The following STK4 variants were observed in gnomAD, a reference collection of about 807,000 sequenced individuals.
The protein encoded by STK4 is serine/threonine-protein kinase 4.
A neutral mutation model predicts 64.9 loss-of-function variants in STK4; 30 were observed. The ratio of observed to expected loss-of-function variants is 0.46; its 90% CI spans 0.35 to 0.63. The LOEUF (loss-of-function observed/expected upper bound fraction) is 0.63. Ranked by LOEUF, STK4 falls within the 20% of genes least tolerant of loss-of-function variation. The pLI is 0.01. For synonymous variants in STK4, 177 were observed against 199.0 expected (o/e 0.89, Z 0.93); for missense variants, 466 against 598.5 (o/e 0.78, Z 2.31).
intron 1 of STK4, among the ~76,000 whole-genome samples, chr20:44,971,019 A>ACCGTTT (rs1464515153): frequency 7.2e-6 from 1 of 138,354 alleles, no homozygotes; most frequent in East Asian, 2.1e-4. Flanking sequence ...TCCATATTTC[A>ACCGTTT]CCGTTTCCTC....
intron 5 of STK4, among the ~76,000 whole-genome samples, chr20:44,993,905 AG>A (rs944399098): frequency 2.0e-5 from 3 of 151,304 alleles, no homozygotes; most frequent in Non-Finnish European, 4.4e-5. Context: ...CTTGAACCCC[AG>A]GGGCGGAGGT....
chr20:45,043,718 T>A (rs1396915529), intron 10 of STK4, among the ~76,000 whole-genome samples: 1 of 152,202 alleles, frequency 6.6e-6, no homozygotes, highest in East Asian at 1.9e-4. Context: ...TTAGAGATGG[T>A]CAACAGGTAA....
intron 10 of STK4, among the ~76,000 whole-genome samples, chr20:45,049,143 A>T (rs2284274): frequency 0.5 from 76,419 of 151,914 alleles, 20,006 homozygotes; most frequent in African/African-American, 0.61. Context: ...CCCTTTCATC[A>T]AGCAGAGTTC....
chr20:45,023,866 T>C (rs2068293440), intron 9 of STK4, among the ~76,000 whole-genome samples: 1 of 151,780 alleles, frequency 6.6e-6, no homozygotes, highest in African/African-American at 2.4e-5. Flanking sequence ...ATCAATTCTA[T>C]TTATTTTATA....
chr20:45,005,061 G>A (rs1376519452), intron 9 of STK4, among the ~76,000 whole-genome samples: 1 of 151,790 alleles, frequency 6.6e-6, no homozygotes, highest in African/African-American at 2.4e-5. Context: ...ATGAGCCACC[G>A]CGCCCAGCCT....
Position 44,995,184 on chromosome 20 carries a change from T to C in STK4, c.620T>C (p.Ile207Thr), listed in dbSNP as rs201578965. The C allele has an allele frequency of 1.5e-5, 24 of 1,613,904 alleles. No homozygotes were observed. In the African/African-American group the frequency reaches 3.1e-4, roughly 21 times the overall value. The change falls in exon 6 of 11, where the codon ATC becomes ACC. Residue 207 changes from isoleucine to threonine, a missense_variant. Coordinates refer to ENST00000372806, the MANE Select transcript of STK4 (RefSeq NM_006282.5). Reference sequence around the variant, plus strand: ...ATTGGATACAACTGTGTAGCAGACATCTGGTCCCTGGGAATAACTGCCATA... The same window carrying C: ...ATTGGATACAACTGTGTAGCAGACACCTGGTCCCTGGGAATAACTGCCATA... ...QEIGYNCVAD[I>T]WSLGITAIEM...
intron 10 of STK4, among the ~76,000 whole-genome samples, chr20:45,031,467 A>C (rs987945277): frequency 1.3e-5 from 2 of 152,330 alleles, no homozygotes; most frequent in South Asian, 2.1e-4. Context: ...GTCTGGATAA[A>C]AATAACAGTC....
chr20:45,004,755 CT>C lies in STK4; in HGVS notation c.1147+3413del, dbSNP rs1285811006. ...TTTGTCATGAAATCCTTTTTTTCTC[CT>C]TTTTTTTTTTCTTTTTTCTTTTTTT... On this transcript the variant is annotated intron_variant, in intron 9 of 10. Coordinates refer to ENST00000372806, the MANE Select transcript of STK4 (RefSeq NM_006282.5). Among the ~76,000 whole-genome samples, 513 of 143,072 alleles carry C rather than the reference CT, an allele frequency of 3.6e-3. 2 individuals carry two copies. Among genetic ancestry groups the C allele is most frequent in the African/African-American group, 0.011 (448 of 39,146 alleles). The allele number at this position is 143,072 out of a possible 152,430, so 93.9% of individuals were successfully genotyped here.
chr20:45,039,839 C>A (rs2068584645), intron 10 of STK4, among the ~76,000 whole-genome samples: 1 of 152,120 alleles, frequency 6.6e-6, no homozygotes, highest in Non-Finnish European at 1.5e-5. Context: ...TTGGTTTCTA[C>A]TGAGGCTAAC....
chr20:45,011,879 C>T (rs905493229), intron 9 of STK4, among the ~76,000 whole-genome samples: 1 of 150,680 alleles, frequency 6.6e-6, no homozygotes, highest in African/African-American at 2.4e-5. Context: ...TTTTATTTTT[C>T]CATCTGAAAG....
At chr20:45,007,058 T>A (rs1468087222) in intron 9 of STK4, among the ~76,000 whole-genome samples, 2 of 152,154 alleles carry the variant, frequency 1.3e-5, no homozygotes, top group African/African-American at 4.8e-5. Context: ...TTTGTTTGTT[T>A]GTTTGTTTTT....
intron 9 of STK4, among the ~76,000 whole-genome samples, chr20:45,011,725 A>ATT (rs2068049204): frequency 9.3e-6 from 1 of 106,960 alleles, no homozygotes; most frequent in African/African-American, 3.8e-5. Context: ...ATATATATAT[A>ATT]TATATTTTTT....
chr20:45,006,611 C>G (rs759314332), intron 9 of STK4, among the ~76,000 whole-genome samples: 13 of 151,988 alleles, frequency 8.6e-5, no homozygotes, highest in Non-Finnish European at 1.8e-4. Flanking sequence ...CTCGGAGGTC[C>G]TTTGTATTCC....
intron 10 of STK4, among the ~76,000 whole-genome samples, chr20:45,035,006 TATAG>T (rs1364022130): frequency 1.3e-5 from 2 of 152,072 alleles, no homozygotes; most frequent in Admixed American, 6.6e-5. Flanking sequence ...GTATATATAA[TATAG>T]ATAAATTTTT....
intron 5 of STK4, among the ~76,000 whole-genome samples, chr20:44,988,208 A>G (rs981966160): frequency 2.0e-5 from 3 of 151,956 alleles, no homozygotes; most frequent in Non-Finnish European, 2.9e-5. Flanking sequence ...ACACCCTCTG[A>G]TGGTCTATAA....
At chr20:45,058,796 A>G (rs907978795) in intron 10 of STK4, among the ~76,000 whole-genome samples, 2 of 152,188 alleles carry the variant, frequency 1.3e-5, no homozygotes, top group African/African-American at 4.8e-5. Flanking sequence ...ACCTTCTGAA[A>G]GATTAATATT....
intron 9 of STK4, among the ~76,000 whole-genome samples, chr20:45,009,829 C>G (rs1214498684): frequency 6.6e-6 from 1 of 152,086 alleles, no homozygotes; most frequent in South Asian, 2.1e-4. Flanking sequence ...TCACTCTCAG[C>G]CTGGCCATTG....
chr20:45,053,273 T>C, intron 10 of STK4: 1 of 1,052,462 alleles, frequency 9.5e-7, no homozygotes. Flanking sequence ...TTAACTCAGT[T>C]ATTGAAATGG....
At chr20:44,996,719 C>G (rs2067738083) in intron 6 of STK4, among the ~76,000 whole-genome samples, 1 of 152,054 alleles carries the variant, frequency 6.6e-6, no homozygotes, top group Non-Finnish European at 1.5e-5. Flanking sequence ...GTTAATGACC[C>G]CATTGTGATT....
Sources: allele counts gnomAD v4.1 joint callset (sites outside exome capture counted in the v4.1 genomes callset), GRCh38; gene constraint gnomAD v4.1.1; transcripts MANE v1.5; gene names NCBI Gene and HGNC (gene_info 2026-07-23, HGNC 2026-07-21).